CSMD1: variants seen among roughly 807,000 people sequenced by gnomAD.
The protein encoded by CSMD1 is CUB and Sushi multiple domains 1.
In CSMD1, 213 loss-of-function variants were observed where a neutral mutation model predicts 417.5. The ratio of observed to expected loss-of-function variants is 0.51; its 90% CI spans 0.46 to 0.57. The LOEUF is 0.57. CSMD1 is among the 20% of genes least tolerant of loss of function. The pLI is 0.00. For missense variants in CSMD1, 6,923 were observed against 4,529.7 expected (o/e 1.53, Z -15.17); for synonymous variants, 2,862 against 1,736.8 (o/e 1.65, Z -16.11).
At chr8:4,466,825 A>G (rs1329984157) in intron 2 of CSMD1, among the ~76,000 whole-genome samples, 1 of 152,192 alleles carries the variant, frequency 6.6e-6, no homozygotes, top group Non-Finnish European at 1.5e-5. Flanking sequence ...TAAAATTTAA[A>G]TTCAGAGAGC....
intron 2 of CSMD1, among the ~76,000 whole-genome samples, chr8:4,472,452 G>A (rs1365970506): frequency 6.6e-6 from 1 of 151,918 alleles, no homozygotes; most frequent in Non-Finnish European, 1.5e-5. Flanking sequence ...TATATTTAAG[G>A]TAATAACAGA....
At chr8:4,357,699 A>C (rs2128905473) in intron 3 of CSMD1, among the ~76,000 whole-genome samples, 1 of 152,272 alleles carries the variant, frequency 6.6e-6, no homozygotes, top group South Asian at 2.1e-4. Flanking sequence ...CTTAACAAAT[A>C]ATCAGAATTA....
chr8:3,868,345 T>G (rs2129110368), intron 5 of CSMD1, among the ~76,000 whole-genome samples: 1 of 152,238 alleles, frequency 6.6e-6, no homozygotes, highest in African/African-American at 2.4e-5. Flanking sequence ...TTTGCCTTCC[T>G]TTCTCCCTAA....
At chr8:4,714,221 C>G in intron 1 of CSMD1, among the ~76,000 whole-genome samples, 1 of 152,174 alleles carries the variant, frequency 6.6e-6, no homozygotes, top group Non-Finnish European at 1.5e-5. Context: ...GACGCCTCCT[C>G]TGTCATTCCG....
chr8:3,825,648 T>C (rs1280951772), intron 5 of CSMD1, among the ~76,000 whole-genome samples: 1 of 152,068 alleles, frequency 6.6e-6, no homozygotes, highest in Non-Finnish European at 1.5e-5. Context: ...AACAGCCAAA[T>C]GCGACTGAGG....
intron 52 of CSMD1, among the ~76,000 whole-genome samples, chr8:3,006,144 C>A (rs894582061): frequency 6.6e-6 from 1 of 150,982 alleles, no homozygotes; most frequent in South Asian, 2.1e-4. Context: ...AAACAGAGAG[C>A]CAAATCATGA....
chr8:3,345,223 T>G (rs1056281276), intron 22 of CSMD1, among the ~76,000 whole-genome samples: 9 of 152,208 alleles, frequency 5.9e-5, no homozygotes, highest in Admixed American at 5.2e-4. Context: ...TCATGAGGAC[T>G]TGACCAAGCG....
At chr8:4,104,127 T>A (rs1353642305) in intron 3 of CSMD1, among the ~76,000 whole-genome samples, 1 of 152,234 alleles carries the variant, frequency 6.6e-6, no homozygotes, top group East Asian at 1.9e-4. Context: ...AGCAGAGTGT[T>A]GATTCAGTCC....
At chr8:3,351,578 C>T (rs1169477252) in intron 21 of CSMD1, among the ~76,000 whole-genome samples, 3 of 139,362 alleles carry the variant, frequency 2.2e-5, no homozygotes, top group Non-Finnish European at 4.5e-5. Flanking sequence ...GCCTGGGCGA[C>T]ACAGTGTGAG....
At position 3,639,247 on chromosome 8, in the gene CSMD1, A is replaced by C. The variant is rs1239471094; in HGVS notation, c.1010-22450T>G. ...TGTTGGACTAGTCCATTGACAATGA[A>C]ATTTCTATGAAATAGGTTGCTATTT... On this transcript the variant is annotated intron_variant, in intron 7 of 69. Coordinates refer to ENST00000635120, the MANE Select transcript of CSMD1 (RefSeq NM_033225.6). Among the ~76,000 whole-genome samples the C allele has an allele frequency of 2.6e-5, 4 of 152,196 alleles. No individual in the cohort carries two copies. The East Asian group carries it at 5.8e-4, about 22-fold the overall frequency.
intron 1 of CSMD1, among the ~76,000 whole-genome samples, chr8:4,783,643 G>A (rs1797264412): frequency 6.6e-6 from 1 of 152,168 alleles, no homozygotes; most frequent in Admixed American, 6.5e-5. Flanking sequence ...CTGCTCCAGG[G>A]AGCTCTTGTC....
intron 1 of CSMD1, among the ~76,000 whole-genome samples, chr8:4,920,595 G>A (rs1194864320): frequency 6.6e-6 from 1 of 152,200 alleles, no homozygotes; most frequent in South Asian, 2.1e-4. Context: ...GCTGAGGCAG[G>A]TGGATCACCT....
intron 1 of CSMD1, among the ~76,000 whole-genome samples, chr8:4,894,983 G>A (rs1019133759): frequency 6.6e-6 from 1 of 152,134 alleles, no homozygotes; most frequent in Admixed American, 6.5e-5. Flanking sequence ...CCACTTTTCT[G>A]ATCTACTGCC....
chr8:3,344,475 T>A (rs1214474803), intron 22 of CSMD1, among the ~76,000 whole-genome samples: 1 of 151,872 alleles, frequency 6.6e-6, no homozygotes, highest in Non-Finnish European at 1.5e-5. Context: ...TAAAGTAAAA[T>A]AAAAAAGTCA....
At chr8:3,880,835 T>A (rs575908679) in intron 5 of CSMD1, among the ~76,000 whole-genome samples, 2 of 152,332 alleles carry the variant, frequency 1.3e-5, no homozygotes, top group South Asian at 4.1e-4. Context: ...AATAACGTAA[T>A]GACCTGCGCA....
chr8:4,361,008 A>T (rs1166375385), intron 3 of CSMD1, among the ~76,000 whole-genome samples: 2 of 152,182 alleles, frequency 1.3e-5, no homozygotes, highest in Non-Finnish European at 2.9e-5. Flanking sequence ...GACATTTTAA[A>T]ATAAAATATT....
chr8:4,583,673 G>A (rs1023866818), intron 2 of CSMD1, among the ~76,000 whole-genome samples: 1 of 152,092 alleles, frequency 6.6e-6, no homozygotes, highest in Non-Finnish European at 1.5e-5. Flanking sequence ...CTAATCTGAT[G>A]GGGTCGTGGA....
At chr8:4,593,055 G>C (rs1395755968) in intron 2 of CSMD1, among the ~76,000 whole-genome samples, 3 of 152,082 alleles carry the variant, frequency 2.0e-5, no homozygotes, top group Non-Finnish European at 4.4e-5. Flanking sequence ...GTAAATCACT[G>C]GTGTCATCTC....
intron 6 of CSMD1, among the ~76,000 whole-genome samples, chr8:3,708,948 T>C (rs987564253): frequency 1.3e-5 from 2 of 152,094 alleles, no homozygotes. Flanking sequence ...ACTCACAGTT[T>C]AGCGAATCTG....
Sources: allele counts gnomAD v4.1 joint callset (sites outside exome capture counted in the v4.1 genomes callset), GRCh38; gene constraint gnomAD v4.1.1; transcripts MANE v1.5; gene names NCBI Gene and HGNC (gene_info 2026-07-23, HGNC 2026-07-21).